The following ROCK2 variants were observed in gnomAD, a reference collection of about 807,000 sequenced individuals.
The protein encoded by ROCK2 is Rho associated coiled-coil containing protein kinase 2.
Under a neutral mutation model 195.1 loss-of-function variants are expected in ROCK2, and 61 were observed. That is an observed-to-expected ratio of 0.31 (90% CI 0.25 to 0.39). The LOEUF (loss-of-function observed/expected upper bound fraction) is 0.39. Ranked by LOEUF, ROCK2 falls within the 10% of genes least tolerant of loss-of-function variation. The pLI, the probability that ROCK2 is intolerant of heterozygous loss-of-function variation, is 1.00. For synonymous variants in ROCK2, 504 were observed against 545.5 expected, an observed-to-expected ratio of 0.92 and a Z score of 1.06; for missense variants, 1,109 against 1,637.4, an observed-to-expected ratio of 0.68 and a Z score of 5.57.
intron 1 of ROCK2, among the ~76,000 whole-genome samples, chr2:11,325,917 A>G (rs1360935875): frequency 6.6e-6 from 1 of 152,226 alleles, no homozygotes; most frequent in Non-Finnish European, 1.5e-5. Flanking sequence ...AGATCTGGGA[A>G]CAATGTGAGG....
At chr2:11,226,556 C>T (rs1647114215) in intron 6 of ROCK2, among the ~76,000 whole-genome samples, 1 of 152,046 alleles carries the variant, frequency 6.6e-6, no homozygotes, top group Non-Finnish European at 1.5e-5. Context: ...TACTTCTCTA[C>T]TACTATTGGG....
Position 11,217,159 on chromosome 2 carries a change from T to C in ROCK2, c.1343A>G (p.Lys448Arg), listed in dbSNP as rs752579341. 1.3e-6 allele frequency: 2 copies of C among 1,546,216 alleles called. No homozygotes were observed. Among genetic ancestry groups the C allele is most frequent in the Non-Finnish European group, 1.8e-6 (2 of 1,120,734 alleles). Residue 448 changes from lysine to arginine, a missense_variant, in exon 12 of 33, where the codon AAA (lysine) becomes AGA (arginine). Around this residue, in one of 6 missense-constraint regions of ROCK2, gnomAD observed 542 missense variants for 672.0 expected, o/e 0.81. Coordinates refer to ENST00000315872, the MANE Select transcript of ROCK2 (RefSeq NM_004850.5). ...AAGATGTTCTTCTAATGTATACAGT[T>C]TTTTCTGAATCTGTCAAAAAACAAG... Reference protein sequence around the residue: ...KNEESQEIQKKLYTLEEHLSN... With the variant: ...KNEESQEIQKRLYTLEEHLSN...
In ROCK2 at chr2:11,180,583, G is replaced by A. The variant is rs531162175; in HGVS notation, c.*2854C>T. On this transcript the variant is annotated 3_prime_UTR_variant, in exon 33 of 33. Coordinates refer to ENST00000315872, the MANE Select transcript of ROCK2 (RefSeq NM_004850.5). ...CCAGTTTTCCTTTCACTTCTGTCTCGTTATCCCCACAAAACAAAAGTAAAA... is the reference window on the plus strand; with the variant it reads ...CCAGTTTTCCTTTCACTTCTGTCTCATTATCCCCACAAAACAAAAGTAAAA... 199 of 152,020 alleles carry A rather than the reference G, an allele frequency of 1.3e-3. 1 individual carries two copies. Among genetic ancestry groups the A allele is most frequent in the African/African-American group, 4.5e-3 (187 of 41,464 alleles). 9.4% of individuals were successfully genotyped at this position (152,020 alleles called of 1,614,324 possible). A position where few individuals can be genotyped will look rare whatever the true frequency, so the allele number is the denominator to read the frequency against.
chr2:11,202,177 G>T, intron 20 of ROCK2, 56 bp from the exon 21 acceptor site: 2 of 1,410,036 alleles, frequency 1.4e-6, no homozygotes, highest in Non-Finnish European at 2.0e-6. Flanking sequence ...TAAACGAGCA[G>T]CTCTCAAAGT....
Position 11,263,604 on chromosome 2 carries a change from T to TAA in ROCK2, c.325-13808_325-13807dup, listed in dbSNP as rs11376539. Among the ~76,000 whole-genome samples, 1,397 of 140,556 alleles carry TAA rather than the reference T, an allele frequency of 9.9e-3. 17 individuals carry two copies. Among genetic ancestry groups the TAA allele is most frequent in the African/African-American group, 0.032 (1,190 of 37,634 alleles). 92.2% of individuals were successfully genotyped at this position (140,556 alleles called of 152,430 possible). A position where few individuals can be genotyped will look rare whatever the true frequency, so the allele number is the denominator to read the frequency against. On this transcript the variant is annotated intron_variant, in intron 3 of 32. Coordinates refer to ENST00000315872, the MANE Select transcript of ROCK2 (RefSeq NM_004850.5). Reference sequence around the variant, plus strand: ...TCCTGCATCCAAAGTTTTACATTATTAAAAAAAAAAAAGAAATCAAAGTAT... The same window carrying TAA: ...TCCTGCATCCAAAGTTTTACATTATTAAAAAAAAAAAAAAGAAATCAAAGTAT...
At chr2:11,256,186 T>C (rs1452081232) in intron 3 of ROCK2, among the ~76,000 whole-genome samples, 4 of 151,156 alleles carry the variant, frequency 2.6e-5, no homozygotes, top group Admixed American at 2.6e-4. Context: ...TATATTGATA[T>C]GGTTTGGATT....
rs968560915 is a variant in ROCK2, at chr2:11,180,424, T to C, written c.*3013A>G. The C allele has an allele frequency of 6.6e-6, 1 of 152,206 alleles. No individual in the cohort carries two copies. Among genetic ancestry groups the C allele is most frequent in the African/African-American group, 2.4e-5 (1 of 41,442 alleles). The allele number at this position is 152,206 out of a possible 1,614,324, so 9.4% of individuals were successfully genotyped here. ...CTTTACTTTGGCTTTACTGGTATGC[T>C]TATCCATTAGTTAGCTGGAACATTT... On this transcript the variant is annotated 3_prime_UTR_variant, in exon 33 of 33. Coordinates refer to ENST00000315872, the MANE Select transcript of ROCK2 (RefSeq NM_004850.5).
Position 11,181,794 on chromosome 2 carries a change from C to T in ROCK2, c.*1643G>A, listed in dbSNP as rs1299757356. 2 of 151,866 alleles carry T rather than the reference C, an allele frequency of 1.3e-5. No individual in the cohort carries two copies. The highest frequency in any genetic ancestry group is 2.9e-5 in the Non-Finnish European group (2 of 67,982). 9.4% of individuals were successfully genotyped at this position (151,866 alleles called of 1,614,324 possible). On this transcript the variant is annotated 3_prime_UTR_variant, in exon 33 of 33. Transcript: ENST00000315872. ...GATTACAGGCCACCACCATCATGCC[C>T]GGCTAATTTTTGTATATTGGTAGAG...
chr2:11,334,041 CA>C (rs1352481009), intron 1 of ROCK2, among the ~76,000 whole-genome samples: 1 of 152,148 alleles, frequency 6.6e-6, no homozygotes, highest in African/African-American at 2.4e-5. Context: ...ACATGATCTC[CA>C]AATTAATTCT....
Position 11,192,388 on chromosome 2 carries a change from T to A in ROCK2, c.3950-27A>T, listed in dbSNP as rs1203224614. On this transcript the variant is annotated intron_variant, in intron 31 of 32. Transcript: ENST00000315872. This position sits in a 1 kb window ranked among gnomAD's most constrained non-coding sequence, Gnocchi z 5.0. ...TATAAAGAAAAATTAGAAAAAAAAA[T>A]TAATGTGCTTAAAATGATCTGAACA... is the stretch of plus-strand genomic sequence containing the variant. 1.3e-6 allele frequency: 2 copies of A among 1,595,024 alleles called. No individual in the cohort carries two copies. Among genetic ancestry groups the A allele is most frequent in the Non-Finnish European group, 1.7e-6 (2 of 1,171,728 alleles).
At chr2:11,286,027 G>C (rs1013042037) in intron 3 of ROCK2, among the ~76,000 whole-genome samples, 1 of 150,996 alleles carries the variant, frequency 6.6e-6, no homozygotes, top group South Asian at 2.1e-4. Context: ...AATAATAGAG[G>C]AGTTTCATAT....
At chr2:11,215,486 T>C in intron 14 of ROCK2, 24 bp downstream of exon 14, 1 of 1,609,118 alleles carries the variant, frequency 6.2e-7, no homozygotes, top group Non-Finnish European at 8.5e-7. Context: ...TCTTGATGAG[T>C]AATTAATATT....
intron 1 of ROCK2, among the ~76,000 whole-genome samples, chr2:11,342,627 G>C (rs1301368154): frequency 6.6e-6 from 1 of 152,160 alleles, no homozygotes; most frequent in African/African-American, 2.4e-5. Context: ...AATGCTGGGA[G>C]TGCAGCCCAG....
chr2:11,311,253 T>A (rs1299659948), intron 1 of ROCK2, among the ~76,000 whole-genome samples: 2 of 152,138 alleles, frequency 1.3e-5, no homozygotes, highest in Non-Finnish European at 2.9e-5. Flanking sequence ...AATTTATTTT[T>A]AAAAATCTAC....
At chr2:11,237,572 T>G (rs1365585637) in intron 4 of ROCK2, among the ~76,000 whole-genome samples, 1 of 152,182 alleles carries the variant, frequency 6.6e-6, no homozygotes, top group Non-Finnish European at 1.5e-5. Context: ...AAAAATGCCA[T>G]ATACACAAAA....
At chr2:11,274,886 T>C (rs186782797) in intron 3 of ROCK2, among the ~76,000 whole-genome samples, 2 of 152,318 alleles carry the variant, frequency 1.3e-5, no homozygotes, top group Admixed American at 6.5e-5. Flanking sequence ...ATCCTATATA[T>C]ATATTATGTT....
intron 1 of ROCK2, among the ~76,000 whole-genome samples, chr2:11,290,808 C>T (rs1391117390): frequency 6.6e-6 from 1 of 152,134 alleles, no homozygotes; most frequent in African/African-American, 2.4e-5. Flanking sequence ...AAAATCCCCA[C>T]TCCTAAAATA....
intron 1 of ROCK2, among the ~76,000 whole-genome samples, chr2:11,304,710 T>G (rs982112840): frequency 6.6e-6 from 1 of 152,188 alleles, no homozygotes; most frequent in Non-Finnish European, 1.5e-5. Context: ...AGTTATTAAC[T>G]CTCAAACCTC....
At chr2:11,206,404 G>A (rs760717902) in intron 20 of ROCK2, among the ~76,000 whole-genome samples, 1 of 151,900 alleles carries the variant, frequency 6.6e-6, no homozygotes, top group Non-Finnish European at 1.5e-5. Flanking sequence ...AAACACTATC[G>A]TTAGAATAAA....
Sources: gnomAD v4.1 joint callset for allele counts (sites outside exome capture counted in the v4.1 genomes callset) on GRCh38, gnomAD v4.1.1 for gene constraint, gnomAD v4.1.1 regional missense constraint, Gnocchi (gnomAD v3.1) non-coding constraint, MANE v1.5 for transcripts, NCBI Gene and HGNC (gene_info 2026-07-23, HGNC 2026-07-21) for gene names.